PCDHAC1: variants seen among roughly 807,000 people sequenced by gnomAD.
PCDHAC1 encodes protocadherin alpha-C1.
In PCDHAC1, 42 loss-of-function variants were observed where a neutral mutation model predicts 60.0. The observed-to-expected ratio is 0.70, with a 90% CI of 0.55 to 0.90. The LOEUF (loss-of-function observed/expected upper bound fraction) is 0.90. Among genes scored for constraint, PCDHAC1 ranks in the 40% least tolerant of loss-of-function variants. PCDHAC1 has a pLI of 0.00. For synonymous variants in PCDHAC1, 468 were observed against 499.3 expected, an observed-to-expected ratio of 0.94 and a Z score of 0.84; for missense variants, 1,160 against 1,222.3, an observed-to-expected ratio of 0.95 and a Z score of 0.76.
intron 1 of PCDHAC1, among the ~76,000 whole-genome samples, chr5:140,939,879 T>C (rs565550218): frequency 2.0e-5 from 3 of 152,208 alleles, no homozygotes; most frequent in Non-Finnish European, 4.4e-5. Flanking sequence ...CTTTGCTAGT[T>C]GTGTTGTTCA....
At chr5:140,937,829 A>G (rs1305110198) in intron 1 of PCDHAC1, among the ~76,000 whole-genome samples, 2 of 148,988 alleles carry the variant, frequency 1.3e-5, no homozygotes, top group African/African-American at 2.5e-5. Context: ...GGAGAATGGC[A>G]TGAACCTGGA....
chr5:140,989,788 G>A (rs2097360346), intron 3 of PCDHAC1, among the ~76,000 whole-genome samples: 2 of 152,158 alleles, frequency 1.3e-5, no homozygotes, highest in Admixed American at 1.3e-4. Context: ...GAGACTAGAG[G>A]CCCCCAGGAA....
chr5:140,945,153 C>T (rs996541335), intron 1 of PCDHAC1, among the ~76,000 whole-genome samples: 1 of 152,064 alleles, frequency 6.6e-6, no homozygotes, highest in African/African-American at 2.4e-5. Flanking sequence ...TTTCTATACA[C>T]TATTGAACTA....
chr5:140,977,335 A>T (rs1341928835), intron 1 of PCDHAC1, among the ~76,000 whole-genome samples: 19 of 152,322 alleles, frequency 1.2e-4, no homozygotes, highest in Admixed American at 1.1e-3. Context: ...GAGGGGAGAG[A>T]CGGTGATGAT....
intron 1 of PCDHAC1, chr5:140,968,773 A>G (rs528972800): frequency 4.3e-6 from 7 of 1,614,206 alleles, no homozygotes; most frequent in Non-Finnish European, 5.1e-6. Flanking sequence ...GAGAGCCATC[A>G]CTATCAGCCT....
chr5:140,968,923 T>G lies in PCDHAC1; in HGVS notation c.2434-10026T>G, dbSNP rs140504777. The G allele has an allele frequency of 2.9e-3, 4,668 of 1,614,212 alleles. 4 individuals are homozygous for G. Among genetic ancestry groups the G allele is most frequent in the Non-Finnish European group, 3.3e-3 (3,916 of 1,180,046 alleles). ...CATTAAGCACAGTGTCTTTTATATT[T>G]CTTTTGACAATCATCATTTTGAGCA... On this transcript the variant is annotated intron_variant, in intron 1 of 3. Coordinates refer to ENST00000253807, the MANE Select transcript of PCDHAC1 (RefSeq NM_018898.5).
chr5:140,952,857 G>T (rs2094808262), intron 1 of PCDHAC1, among the ~76,000 whole-genome samples: 1 of 152,120 alleles, frequency 6.6e-6, no homozygotes, highest in Non-Finnish European at 1.5e-5. Context: ...TTCTGGGGAG[G>T]CCTCAGGAAA....
At chr5:140,985,096 C>G (rs1486346952) in intron 3 of PCDHAC1, among the ~76,000 whole-genome samples, 1 of 152,096 alleles carries the variant, frequency 6.6e-6, no homozygotes, top group Non-Finnish European at 1.5e-5. Context: ...TGCCACCAAG[C>G]CTGGCTAATT....
chr5:140,937,106 C>T (rs2091337574), intron 1 of PCDHAC1, among the ~76,000 whole-genome samples: 1 of 149,206 alleles, frequency 6.7e-6, no homozygotes, highest in Admixed American at 6.7e-5. Context: ...GGCGCAGTCT[C>T]GGCTCACTGC....
intron 1 of PCDHAC1, among the ~76,000 whole-genome samples, chr5:140,972,812 C>T (rs782305867): frequency 5.3e-5 from 8 of 151,914 alleles, no homozygotes; most frequent in East Asian, 3.9e-4. Context: ...TACAGGCACG[C>T]GCCACCACGC....
chr5:140,929,364 A>C (rs782443919), intron 1 of PCDHAC1, 39 bp downstream of exon 1: 3 of 1,521,318 alleles, frequency 2.0e-6, no homozygotes, highest in Admixed American at 2.2e-5. Flanking sequence ...TTTGGCCCGG[A>C]GATGGCTGCT....
chr5:140,928,719 T>C lies in PCDHAC1; in HGVS notation c.1827T>C (p.Phe609=), dbSNP rs1554206226. The change falls in exon 1 of 4, where the codon TTT becomes TTC. Residue 609 remains phenylalanine (F), a synonymous_variant. Transcript: ENST00000253807. ...CCCGGGCGTCTGACTCTAGTCTCTT[T>C]AGAATTTCAGCCAATATAGGTGAGC... is the stretch of plus-strand genomic sequence containing the variant. ...HISRASDSSL[F]RISANIGELR... is the part of the protein sequence containing the mutation. 1.9e-5 allele frequency: 31 copies of C among 1,614,044 alleles called. No homozygotes were observed. The highest frequency in any genetic ancestry group is 2.5e-5 in the Non-Finnish European group (29 of 1,180,046).
At chr5:140,989,444 T>C (rs2097342711) in intron 3 of PCDHAC1, among the ~76,000 whole-genome samples, 1 of 152,130 alleles carries the variant, frequency 6.6e-6, no homozygotes, top group South Asian at 2.1e-4. Context: ...CTGAGGTTGT[T>C]TAGAATTGTT....
chr5:140,926,788 G>A lies in PCDHAC1; in HGVS notation c.-105G>A. 26 of 1,427,398 alleles carry A rather than the reference G, an allele frequency of 1.8e-5. No individual in the cohort carries two copies. The highest frequency in any genetic ancestry group is 2.4e-5 in the Non-Finnish European group (26 of 1,092,738). The allele number at this position is 1,427,398 out of a possible 1,614,324, so 88.4% of individuals were successfully genotyped here. A position where few individuals can be genotyped will look rare whatever the true frequency, so the allele number is the denominator to read the frequency against. On this transcript the variant is annotated 5_prime_UTR_variant, in exon 1 of 4. Transcript: ENST00000253807. ...CAGCCCGCAGCAGTGACGGCCGGCA[G>A]GAGCGTGCTCTTCCCCGCGGCTCGT...
intron 1 of PCDHAC1, among the ~76,000 whole-genome samples, chr5:140,936,151 C>G (rs947807537): frequency 6.6e-6 from 1 of 152,128 alleles, no homozygotes; most frequent in Non-Finnish European, 1.5e-5. Context: ...CCTTGGCCTC[C>G]TAAAGTGCTG....
intron 1 of PCDHAC1, chr5:140,967,692 G>C (rs781940460): frequency 6.2e-7 from 1 of 1,614,196 alleles, no homozygotes; most frequent in Admixed American, 1.7e-5. Flanking sequence ...CAGCTCTTCA[G>C]CATAGATGCC....
chr5:140,999,594 A>G (rs1279617761), intron 3 of PCDHAC1, among the ~76,000 whole-genome samples: 25 of 152,186 alleles, frequency 1.6e-4, no homozygotes, highest in Admixed American at 1.4e-3. Flanking sequence ...TGCCTTCCCT[A>G]CATCCTGGGG....
At chr5:140,992,514 G>A (rs1256283066) in intron 3 of PCDHAC1, among the ~76,000 whole-genome samples, 1 of 152,176 alleles carries the variant, frequency 6.6e-6, no homozygotes, top group Non-Finnish European at 1.5e-5. Flanking sequence ...CTGGGGCATG[G>A]TAGCTAATGG....
chr5:140,978,787 C>G (rs1164015518), intron 1 of PCDHAC1, 162 bp from the exon 2 acceptor site: 2 of 972,388 alleles, frequency 2.1e-6, no homozygotes, highest in Non-Finnish European at 2.4e-6. Context: ...TTCTAAAGTG[C>G]TATATATGTA....
Sources: gnomAD v4.1 joint callset for allele counts (sites outside exome capture counted in the v4.1 genomes callset) on GRCh38, gnomAD v4.1.1 for gene constraint, MANE v1.5 for transcripts, NCBI Gene and HGNC (gene_info 2026-07-23, HGNC 2026-07-21) for gene names.